VAPB: variants seen among roughly 807,000 people sequenced by gnomAD.
VAPB encodes vesicle-associated membrane protein-associated protein B/C.
VAPB carries 7 observed loss-of-function variants against 25.6 expected under a neutral mutation model. The ratio of observed to expected loss-of-function variants is 0.27; its 90% CI spans 0.16 to 0.51. The LOEUF (loss-of-function observed/expected upper bound fraction) is 0.51, where lower values mean the gene tolerates loss of function less well. Among genes scored for constraint, VAPB ranks in the 20% least tolerant of loss-of-function variants. The probability of loss-of-function intolerance (pLI) is 0.97; values close to 1 mark genes in which losing one functional copy is unlikely to be tolerated. For synonymous variants in VAPB, 112 were observed against 109.2 expected (o/e 1.03, Z -0.16); for missense variants, 266 against 301.3 (o/e 0.88, Z 0.87).
chr20:58,418,372 T>G lies in VAPB; in HGVS notation c.211+9T>G. 1 of 1,613,868 alleles carries G rather than the reference T, an allele frequency of 6.2e-7. No homozygotes were observed. Among genetic ancestry groups the G allele is most frequent in the Non-Finnish European group, 8.5e-7 (1 of 1,179,896 alleles). On this transcript the variant is annotated intron_variant, in intron 2 of 5. Transcript: ENST00000475243. Reference sequence around the variant, plus strand: ...CTCAATTAATGTATCTGGTAAGTCCTGAGACTGGAGGCCTAGAGGGTGGGC... The same window carrying G: ...CTCAATTAATGTATCTGGTAAGTCCGGAGACTGGAGGCCTAGAGGGTGGGC...
intron 1 of VAPB, among the ~76,000 whole-genome samples, chr20:58,404,384 A>C (rs1171039980): frequency 1.3e-5 from 2 of 152,054 alleles, no homozygotes; most frequent in Non-Finnish European, 2.9e-5. Context: ...CTTTCACCCA[A>C]GTTCCCTACA....
chr20:58,427,326 G>A (rs536482122), intron 2 of VAPB, among the ~76,000 whole-genome samples: 1 of 151,910 alleles, frequency 6.6e-6, no homozygotes, highest in Admixed American at 6.5e-5. Flanking sequence ...TTATGATGCA[G>A]GCGAAAGTGA....
chr20:58,429,762 A>AGT (rs1367528559), intron 2 of VAPB, among the ~76,000 whole-genome samples: 1 of 152,172 alleles, frequency 6.6e-6, no homozygotes, highest in Admixed American at 6.5e-5. Context: ...GATTCTCCCA[A>AGT]GAGGGGTACT....
chr20:58,430,223 A>ACATTTTTT (rs1246612693), intron 2 of VAPB, among the ~76,000 whole-genome samples: 2 of 150,640 alleles, frequency 1.3e-5, no homozygotes, highest in Non-Finnish European at 2.9e-5. Context: ...CTGATACTTG[A>ACATTTTTT]CATTTTTTCA....
intron 2 of VAPB, among the ~76,000 whole-genome samples, chr20:58,429,699 CCGA>C (rs1293850443): frequency 4.6e-5 from 7 of 152,196 alleles, no homozygotes; most frequent in Non-Finnish European, 1.0e-4. Flanking sequence ...CAGGTACGTC[CCGA>C]AAACTCAAGA....
In VAPB at chr20:58,433,122, A is replaced by G. The variant is rs553916051; in HGVS notation, c.212-1480A>G. The stretch of plus-strand genomic sequence containing the variant: ...ATGGATGGGGGAGGTTGGTATTTCT[A>G]TCCTGTTTTGTGAATGGTTCCATTA... On this transcript the variant is annotated intron_variant, in intron 2 of 5. Coordinates refer to ENST00000475243, the MANE Select transcript of VAPB (RefSeq NM_004738.5). Among the ~76,000 whole-genome samples the G allele has an allele frequency of 1.2e-4, 18 of 152,152 alleles. No individual in the cohort carries two copies. In the East Asian group the frequency reaches 2.7e-3, roughly 23 times the overall value.
chr20:58,419,790 C>T (rs1253820389), intron 2 of VAPB, among the ~76,000 whole-genome samples: 1 of 152,078 alleles, frequency 6.6e-6, no homozygotes, highest in South Asian at 2.1e-4. Flanking sequence ...TATCTACTTT[C>T]CCCCCCTCGA....
At chr20:58,437,572 T>C (rs1296241083) in intron 3 of VAPB, among the ~76,000 whole-genome samples, 1 of 152,228 alleles carries the variant, frequency 6.6e-6, no homozygotes, top group Non-Finnish European at 1.5e-5. Context: ...CATGTGAATA[T>C]CCTGCTCGCC....
intron 1 of VAPB, among the ~76,000 whole-genome samples, chr20:58,407,054 G>A (rs572425670): frequency 1.8e-4 from 27 of 152,292 alleles, no homozygotes; most frequent in African/African-American, 6.3e-4. Context: ...TAGAACTGAT[G>A]TAAAATTCAT....
chr20:58,391,731 C>G (rs774225749), intron 1 of VAPB, among the ~76,000 whole-genome samples: 1 of 152,194 alleles, frequency 6.6e-6, no homozygotes, highest in Non-Finnish European at 1.5e-5. Flanking sequence ...CGGTGTTTCA[C>G]TATGTTGGCC....
intron 1 of VAPB, among the ~76,000 whole-genome samples, chr20:58,401,282 T>C (rs961860045): frequency 2.6e-5 from 4 of 152,334 alleles, no homozygotes; most frequent in African/African-American, 9.6e-5. Context: ...ATTTGAGTAT[T>C]GTCCCTTCCA....
intron 1 of VAPB, among the ~76,000 whole-genome samples, chr20:58,417,923 G>T (rs1453759728): frequency 6.6e-6 from 1 of 152,148 alleles, no homozygotes; most frequent in African/African-American, 2.4e-5. Flanking sequence ...CCAAGCCTCA[G>T]TTTTCTCATC....
intron 4 of VAPB, 56 bp downstream of exon 4, chr20:58,439,081 A>C: frequency 1.3e-6 from 2 of 1,499,886 alleles, no homozygotes; most frequent in Non-Finnish European, 1.9e-6. Context: ...ACTTATTTGC[A>C]TACCATTTCC....
intron 1 of VAPB, among the ~76,000 whole-genome samples, chr20:58,401,343 A>G (rs1300763820): frequency 3.3e-5 from 5 of 151,256 alleles, no homozygotes; most frequent in Non-Finnish European, 5.9e-5. Flanking sequence ...CTGTCTAGCT[A>G]CTCCTTTCAC....
At chr20:58,398,469 A>C (rs1037653054) in intron 1 of VAPB, among the ~76,000 whole-genome samples, 2 of 152,160 alleles carry the variant, frequency 1.3e-5, no homozygotes, top group African/African-American at 4.8e-5. Flanking sequence ...CACATACTGA[A>C]AGCTTCCTGT....
intron 2 of VAPB, among the ~76,000 whole-genome samples, chr20:58,424,219 C>T (rs961318802): frequency 6.6e-6 from 1 of 152,096 alleles, no homozygotes; most frequent in Non-Finnish European, 1.5e-5. Flanking sequence ...CACTTGAGGG[C>T]TCTCCAGTCT....
intron 1 of VAPB, among the ~76,000 whole-genome samples, chr20:58,395,863 G>A (rs1176506068): frequency 6.6e-6 from 1 of 152,150 alleles, no homozygotes; most frequent in Non-Finnish European, 1.5e-5. Context: ...AAGAGCTTTG[G>A]TATGGAAACA....
In VAPB at chr20:58,450,661, C is replaced by T. The variant is rs1427192409; in HGVS notation, c.*6426C>T. On this transcript the variant is annotated 3_prime_UTR_variant, in exon 6 of 6. Transcript: ENST00000475243. ...TCTCTCCCTATTCTACGTCTTTCTCCCTATGTTGAAAAAAGATTCCCACAG... is the reference window on the plus strand; with the variant it reads ...TCTCTCCCTATTCTACGTCTTTCTCTCTATGTTGAAAAAAGATTCCCACAG... 2 of 453,794 alleles carry T rather than the reference C, an allele frequency of 4.4e-6. No individual in the cohort carries two copies. The highest frequency in any genetic ancestry group is 8.8e-6 in the Non-Finnish European group (2 of 226,766). 28.1% of individuals were successfully genotyped at this position (453,794 alleles called of 1,614,324 possible).
intron 1 of VAPB, among the ~76,000 whole-genome samples, chr20:58,412,213 C>T (rs989651270): frequency 6.6e-6 from 1 of 152,046 alleles, no homozygotes; most frequent in Admixed American, 6.6e-5. Context: ...ATTCTGTCAT[C>T]CTGTAGGAGT....
Sources: allele counts gnomAD v4.1 joint callset (sites outside exome capture counted in the v4.1 genomes callset), GRCh38; gene constraint gnomAD v4.1.1; transcripts MANE v1.5; gene names NCBI Gene and HGNC (gene_info 2026-07-23, HGNC 2026-07-21).